Variants in GPATCH2 observed in about 807,000 individuals in gnomAD.
GPATCH2 encodes the protein G patch domain-containing protein 2.
In GPATCH2, 51 loss-of-function variants were observed where a neutral mutation model predicts 58.0. The observed-to-expected ratio is 0.88, with a 90% CI of 0.70 to 1.11. The LOEUF is 1.11. Among genes scored for constraint, GPATCH2 ranks in the 50% most tolerant of loss-of-function variants. The probability of loss-of-function intolerance (pLI) is 0.00; values close to 1 mark genes in which losing one functional copy is unlikely to be tolerated. For missense variants in GPATCH2, 625 were observed against 652.2 expected, an observed-to-expected ratio of 0.96 and a Z score of 0.45; for synonymous variants, 222 against 218.5, an observed-to-expected ratio of 1.02 and a Z score of -0.14.
At position 217,614,205 on chromosome 1, in the gene GPATCH2, G is replaced by T; in HGVS notation, c.774-3C>A. The T allele has an allele frequency of 6.5e-7, 1 of 1,536,050 alleles. No individual in the cohort carries two copies. The highest frequency in any genetic ancestry group is 9.0e-7 in the Non-Finnish European group (1 of 1,112,386). On this transcript the variant is annotated splice_polypyrimidine_tract_variant and splice_region_variant and intron_variant, in intron 2 of 9. Coordinates refer to ENST00000366935, the MANE Select transcript of GPATCH2 (RefSeq NM_018040.5). Reference sequence around the variant, plus strand: ...TGCTGCTGAGACTGCTGGAATCACTGTAATAAGGAAAAAGAAAGAAACAGA... The same window carrying T: ...TGCTGCTGAGACTGCTGGAATCACTTTAATAAGGAAAAAGAAAGAAACAGA...
chr1:217,612,906 C>A (rs1334686673), intron 3 of GPATCH2, among the ~76,000 whole-genome samples: 1 of 152,084 alleles, frequency 6.6e-6, no homozygotes, highest in Non-Finnish European at 1.5e-5. Context: ...TAATTAAAAA[C>A]TTAAATGCAA....
chr1:217,610,390 A>G lies in GPATCH2; in HGVS notation c.1029T>C (p.Ala343=). The G allele has an allele frequency of 2.5e-6, 4 of 1,595,988 alleles. No individual in the cohort carries two copies. ...MSHPSRRGFQ[A]RLSRLHGMSS... is the part of the protein sequence containing the mutation. Reference sequence around the variant, plus strand: ...ACATTCCATGAAGGCGACTGAGTCTAGCTTGGAAACCTGTAAAATCAAAGT... The same window carrying G: ...ACATTCCATGAAGGCGACTGAGTCTGGCTTGGAAACCTGTAAAATCAAAGT... Residue 343 remains alanine, a synonymous_variant, in exon 5 of 10, where the codon GCT becomes GCC. Coordinates refer to ENST00000366935, the MANE Select transcript of GPATCH2 (RefSeq NM_018040.5).
intron 8 of GPATCH2, among the ~76,000 whole-genome samples, chr1:217,455,210 C>T (rs1659886158): frequency 1.3e-5 from 2 of 152,294 alleles, no homozygotes; most frequent in Non-Finnish European, 2.9e-5. Context: ...CCCTACCTTA[C>T]CACAAACCTT....
At chr1:217,568,085 C>A (rs920379970) in intron 5 of GPATCH2, among the ~76,000 whole-genome samples, 6 of 152,144 alleles carry the variant, frequency 3.9e-5, no homozygotes, top group African/African-American at 1.4e-4. Flanking sequence ...CCACTGCACT[C>A]CAGCCTGGGC....
Position 217,549,409 on chromosome 1 carries a change from T to C in GPATCH2, c.1099-34520A>G, listed in dbSNP as rs143362989. 5.1e-3 allele frequency among the ~76,000 whole-genome samples: 776 copies of C among 152,332 alleles called. 3 individuals carry two copies. The Middle Eastern group carries it at 0.054, about 11-fold the overall frequency. On this transcript the variant is annotated intron_variant, in intron 5 of 9. Transcript: ENST00000366935. Reference sequence around the variant, plus strand: ...GGGAAATGAAGATGGCAAATACTGCTTTGCAATGAAAATGCTCCAGAAACA... The same window carrying C: ...GGGAAATGAAGATGGCAAATACTGCCTTGCAATGAAAATGCTCCAGAAACA...
chr1:217,606,748 A>C (rs12728431), intron 5 of GPATCH2, among the ~76,000 whole-genome samples: 90,333 of 151,922 alleles, frequency 0.59, 27,760 homozygotes, highest in African/African-American at 0.65. Flanking sequence ...TCAAAAAAAA[A>C]GAAATACCAG....
chr1:217,458,061 A>G (rs1166794513), intron 8 of GPATCH2, among the ~76,000 whole-genome samples: 1 of 152,160 alleles, frequency 6.6e-6, no homozygotes, highest in African/African-American at 2.4e-5. Flanking sequence ...CCCCGTCTCT[A>G]CTAAAAACAC....
chr1:217,613,055 A>G (rs1343553481), intron 3 of GPATCH2, among the ~76,000 whole-genome samples: 10 of 152,034 alleles, frequency 6.6e-5, no homozygotes, highest in Non-Finnish European at 1.0e-4. Flanking sequence ...TTTATTTCAT[A>G]ACCAATATCA....
intron 3 of GPATCH2, 49 bp from the exon 4 acceptor site, chr1:217,611,120 T>A (rs774236538): frequency 1.6e-5 from 24 of 1,521,132 alleles, no homozygotes; most frequent in Non-Finnish European, 2.0e-5. Flanking sequence ...AGTTTTATCA[T>A]CCAGTTACAC....
At chr1:217,520,742 T>A (rs1663410746) in intron 5 of GPATCH2, among the ~76,000 whole-genome samples, 1 of 152,196 alleles carries the variant, frequency 6.6e-6, no homozygotes, top group Non-Finnish European at 1.5e-5. Context: ...TGTGTAATAA[T>A]GATCACAAAA....
intron 5 of GPATCH2, among the ~76,000 whole-genome samples, chr1:217,522,670 C>T (rs545260427): frequency 6.6e-6 from 1 of 152,230 alleles, no homozygotes; most frequent in African/African-American, 2.4e-5. Context: ...TCCATCATTT[C>T]GTCCCACTGC....
intron 7 of GPATCH2, among the ~76,000 whole-genome samples, chr1:217,493,562 T>C (rs1661854380): frequency 1.3e-5 from 2 of 152,156 alleles, no homozygotes. Context: ...AAGTGAGATC[T>C]GGTATCTGAT....
chr1:217,461,444 T>A (rs922151692), intron 8 of GPATCH2, among the ~76,000 whole-genome samples: 1 of 152,224 alleles, frequency 6.6e-6, no homozygotes, highest in Non-Finnish European at 1.5e-5. Flanking sequence ...AGACTGTATA[T>A]TCCTTGAAGG....
intron 8 of GPATCH2, among the ~76,000 whole-genome samples, chr1:217,457,345 T>C (rs1327878266): frequency 6.6e-6 from 1 of 152,224 alleles, no homozygotes; most frequent in African/African-American, 2.4e-5. Context: ...TACATTCTCT[T>C]TGCCTCAATT....
intron 5 of GPATCH2, among the ~76,000 whole-genome samples, chr1:217,596,710 T>A (rs1018646832): frequency 2.6e-5 from 4 of 152,094 alleles, no homozygotes; most frequent in African/African-American, 9.7e-5. Flanking sequence ...ATTTAGAATC[T>A]CTCCGCCATT....
At chr1:217,595,065 A>G (rs1558511081) in intron 5 of GPATCH2, among the ~76,000 whole-genome samples, 1 of 152,348 alleles carries the variant, frequency 6.6e-6, no homozygotes, top group Non-Finnish European at 1.5e-5. Flanking sequence ...AGTTAGATTA[A>G]TTGGTATTTC....
chr1:217,487,947 G>A (rs1661532631), intron 8 of GPATCH2, among the ~76,000 whole-genome samples: 1 of 152,010 alleles, frequency 6.6e-6, no homozygotes, highest in African/African-American at 2.4e-5. Flanking sequence ...TCACCATGTT[G>A]GTCAGGCTGG....
At chr1:217,538,000 T>C (rs1664558965) in intron 5 of GPATCH2, among the ~76,000 whole-genome samples, 1 of 152,154 alleles carries the variant, frequency 6.6e-6, no homozygotes, top group South Asian at 2.1e-4. Flanking sequence ...TTAGATTGTA[T>C]AAAGATGAAA....
chr1:217,481,118 A>G (rs1661196335), intron 8 of GPATCH2, among the ~76,000 whole-genome samples: 2 of 152,196 alleles, frequency 1.3e-5, no homozygotes, highest in African/African-American at 2.4e-5. Context: ...ACTATAGTCA[A>G]TAATAATTTA....
Sources: gnomAD v4.1 joint callset for allele counts (sites outside exome capture counted in the v4.1 genomes callset) on GRCh38, gnomAD v4.1.1 for gene constraint, MANE v1.5 for transcripts, NCBI Gene and HGNC (gene_info 2026-07-23, HGNC 2026-07-21) for gene names.